The following ZNF454 variants were observed in gnomAD, a reference collection of about 807,000 sequenced individuals.
ZNF454 encodes the protein zinc finger protein 454.
In ZNF454, 30 loss-of-function variants were observed where a neutral mutation model predicts 48.2. The ratio of observed to expected loss-of-function variants is 0.62; its 90% CI spans 0.47 to 0.84. The LOEUF (loss-of-function observed/expected upper bound fraction) is 0.84, where lower values mean the gene tolerates loss of function less well. Among genes scored for constraint, ZNF454 ranks in the 40% least tolerant of loss-of-function variants. The pLI is 0.00. For missense variants in ZNF454, 510 were observed against 623.1 expected, an observed-to-expected ratio of 0.82 and a Z score of 1.93; for synonymous variants, 204 against 211.4, an observed-to-expected ratio of 0.97 and a Z score of 0.30.
Position 178,966,142 on chromosome 5 carries a change from A to T in ZNF454, c.*169A>T. On this transcript the variant is annotated 3_prime_UTR_variant, in exon 5 of 5. Coordinates refer to ENST00000519564, the MANE Select transcript of ZNF454 (RefSeq NM_001178089.3). ...GGGGTTTGGGCATTTAAGAATGGCAAACACTCGGCTGGGCACAGTGGCTCA... is the reference window on the plus strand; with the variant it reads ...GGGGTTTGGGCATTTAAGAATGGCATACACTCGGCTGGGCACAGTGGCTCA... 1.6e-6 allele frequency: 1 copy of T among 619,942 alleles called. No homozygotes were observed. Among genetic ancestry groups the T allele is most frequent in the South Asian group, 2.9e-5 (1 of 34,110 alleles). 38.4% of individuals were successfully genotyped at this position (619,942 alleles called of 1,614,324 possible). A position where few individuals can be genotyped will look rare whatever the true frequency, so the allele number is the denominator to read the frequency against.
chr5:178,958,488 A>G (rs1039706021), intron 4 of ZNF454, among the ~76,000 whole-genome samples: 2 of 152,214 alleles, frequency 1.3e-5, no homozygotes, highest in African/African-American at 4.8e-5. Context: ...TGTACATTTT[A>G]CTGTTGCTAG....
chr5:178,987,365 T>C, the ZNF454 span: 1 of 470,306 alleles, frequency 2.1e-6, no homozygotes, highest in South Asian at 1.5e-5. Context: ...TACAGCCACG[T>C]TCACAGCAGC....
the ZNF454 span, chr5:178,987,178 C>G: frequency 1.4e-6 from 1 of 704,844 alleles, no homozygotes; most frequent in African/African-American, 1.7e-5. Flanking sequence ...CAGAAAATAA[C>G]GAGTGTTGTG....
At chr5:178,979,511 G>C in the ZNF454 span, 1 of 152,208 alleles carries the variant, frequency 6.6e-6, no homozygotes, top group Admixed American at 6.5e-5. Flanking sequence ...CGGTGCATCA[G>C]AGTTCCTGCC....
chr5:178,982,223 T>C, the ZNF454 span, among the ~76,000 whole-genome samples: 2 of 152,220 alleles, frequency 1.3e-5, no homozygotes, highest in African/African-American at 4.8e-5. Flanking sequence ...TAAAATATTC[T>C]GCCGCATACG....
At chr5:178,986,367 G>T in the ZNF454 span, 1 of 1,613,982 alleles carries the variant, frequency 6.2e-7, no homozygotes, top group Non-Finnish European at 8.5e-7. Flanking sequence ...GGAAGATGCC[G>T]GTGAGGAGGA....
chr5:178,956,125 G>A (rs1759738521), intron 4 of ZNF454, among the ~76,000 whole-genome samples: 1 of 152,096 alleles, frequency 6.6e-6, no homozygotes, highest in African/African-American at 2.4e-5. Flanking sequence ...ACTCTATTTT[G>A]TTTTTGAATC....
chr5:178,958,941 A>T (rs1403153724), intron 4 of ZNF454, among the ~76,000 whole-genome samples: 1 of 151,922 alleles, frequency 6.6e-6, no homozygotes, highest in Non-Finnish European at 1.5e-5. Flanking sequence ...ATATGCAAAT[A>T]TTGTTTCCCA....
intron 4 of ZNF454, among the ~76,000 whole-genome samples, chr5:178,954,240 G>A (rs1051491115): frequency 3.9e-5 from 6 of 152,078 alleles, no homozygotes; most frequent in African/African-American, 1.4e-4. Context: ...CCTGGCTGGA[G>A]TGCCAGGCTG....
chr5:178,987,420 G>A, the ZNF454 span: 2 of 458,988 alleles, frequency 4.4e-6, no homozygotes, highest in Non-Finnish European at 4.4e-6. Flanking sequence ...AGCGTCCACT[G>A]ACAGAAGAAT....
the ZNF454 span, among the ~76,000 whole-genome samples, chr5:178,984,127 A>T: frequency 6.6e-6 from 1 of 152,288 alleles, no homozygotes; most frequent in East Asian, 1.9e-4. Flanking sequence ...GGAGATCGAG[A>T]CCAACTTCCA....
the ZNF454 span, chr5:178,986,492 G>T: frequency 6.2e-7 from 1 of 1,610,386 alleles, no homozygotes; most frequent in East Asian, 2.2e-5. Context: ...AGGAGCGGCG[G>T]GGCTGCCCAG....
At chr5:178,975,637 AAGTCCTTGAT>A in the ZNF454 span, 1 of 369,166 alleles carries the variant, frequency 2.7e-6, no homozygotes. Context: ...GAGTAAATTA[AAGTCCTTGAT>A]TTTAGTGGCC....
At chr5:178,988,864 C>T in the ZNF454 span, 1 of 1,304,828 alleles carries the variant, frequency 7.7e-7, no homozygotes, top group African/African-American at 1.4e-5. This position sits in a 1 kb window ranked among gnomAD's most constrained non-coding sequence, Gnocchi z 6.0. Flanking sequence ...CTGAGGTTGT[C>T]CCAGGCCTCA....
intron 2 of ZNF454, among the ~76,000 whole-genome samples, chr5:178,943,521 G>A (rs1019951574): frequency 6.6e-6 from 1 of 152,140 alleles, no homozygotes; most frequent in Non-Finnish European, 1.5e-5. Context: ...AGAGTTGGAA[G>A]GGACATACAT....
intron 4 of ZNF454, among the ~76,000 whole-genome samples, chr5:178,953,092 G>T (rs1288246114): frequency 6.6e-6 from 1 of 151,788 alleles, no homozygotes; most frequent in East Asian, 1.9e-4. Context: ...TTCCATTTCT[G>T]CAAGTGACAT....
Position 178,941,457 on chromosome 5 carries a change from T to C in ZNF454, c.-108+13T>C. 2.3e-6 allele frequency: 1 copy of C among 442,028 alleles called. No individual in the cohort carries two copies. 27.4% of individuals were successfully genotyped at this position (442,028 alleles called of 1,614,324 possible). On this transcript the variant is annotated intron_variant, in intron 1 of 4. Transcript: ENST00000519564. This position sits in a 1 kb window ranked among gnomAD's most constrained non-coding sequence, Gnocchi z 5.5. ...AACTTCCCGGAATGTATGTCTGAGA[T>C]TTGATCCCAGAGAGGGAGGACGGCC...
chr5:178,947,126 CT>C, intron 4 of ZNF454, 140 bp downstream of exon 4: 1 of 687,904 alleles, frequency 1.5e-6, no homozygotes, highest in Non-Finnish European at 2.5e-6. Context: ...ACCTGAATAC[CT>C]TGTTGCTACT....
chr5:178,942,265 G>A (rs943113571), intron 1 of ZNF454, among the ~76,000 whole-genome samples: 1 of 152,158 alleles, frequency 6.6e-6, no homozygotes, highest in Non-Finnish European at 1.5e-5. Context: ...AATTAGCCGG[G>A]CGTGGTGGCG....
Sources: allele counts gnomAD v4.1 joint callset (sites outside exome capture counted in the v4.1 genomes callset), GRCh38; gene constraint gnomAD v4.1.1; non-coding constraint Gnocchi (gnomAD v3.1); transcripts MANE v1.5; gene names NCBI Gene and HGNC (gene_info 2026-07-23, HGNC 2026-07-21).